Variants in RAD54L2 observed in about 807,000 individuals in gnomAD.
RAD54L2 encodes the protein helicase ARIP4.
Under a neutral mutation model 138.4 loss-of-function variants are expected in RAD54L2, and 27 were observed. The ratio of observed to expected loss-of-function variants is 0.20; its 90% CI spans 0.14 to 0.27. RAD54L2 has a LOEUF of 0.27. Among genes scored for constraint, RAD54L2 ranks in the 10% least tolerant of loss-of-function variants. The pLI is 1.00. For synonymous variants in RAD54L2, 644 were observed against 723.2 expected (o/e 0.89, Z 1.76); for missense variants, 1,396 against 1,890.2 (o/e 0.74, Z 4.85).
intron 7 of RAD54L2, among the ~76,000 whole-genome samples, chr3:51,633,278 T>C (rs1360962292): frequency 6.6e-6 from 1 of 152,110 alleles, no homozygotes; most frequent in African/African-American, 2.4e-5. Context: ...GAGGGTGAGC[T>C]TTCCAATGCT....
At chr3:51,575,456 C>T (rs981485336) in intron 2 of RAD54L2, among the ~76,000 whole-genome samples, 16 of 152,182 alleles carry the variant, frequency 1.1e-4, no homozygotes, top group Middle Eastern at 3.4e-3. Flanking sequence ...GCCATTTTTA[C>T]GATATGATTC....
rs1485661054 is a variant in RAD54L2 at position 51,662,698 on chromosome 3, G to C, written c.3682G>C (p.Gly1228Arg). The C allele has an allele frequency of 6.2e-7, 1 of 1,613,874 alleles. No homozygotes were observed. Among genetic ancestry groups the C allele is most frequent in the Admixed American group, 1.7e-5 (1 of 59,994 alleles). Residue 1228 changes from glycine (G) to arginine (R), a missense_variant, in exon 23 of 23, where the codon GGT becomes CGT. By Grantham distance (125) the Gly-to-Arg change is moderately radical (BLOSUM62 -2). Coordinates refer to ENST00000684192, the MANE Select transcript of RAD54L2 (RefSeq NM_015106.4). This position sits in a 1 kb window ranked among gnomAD's most constrained non-coding sequence, Gnocchi z 4.6. Reference protein sequence around the residue: ...TALGTEPRLGGHCLNSSLLVT... With the variant: ...TALGTEPRLGRHCLNSSLLVT... The stretch of plus-strand genomic sequence containing the variant: ...TCTCGGAACTGAGCCTCGACTAGGG[G>C]GTCATTGCCTCAATAGTTCCCTCTT...
intron 19 of RAD54L2, among the ~76,000 whole-genome samples, chr3:51,652,137 C>T (rs571507197): frequency 6.6e-6 from 1 of 152,218 alleles, no homozygotes; most frequent in East Asian, 1.9e-4. Context: ...TTCCTATACA[C>T]CAATAACAGA....
chr3:51,635,631 T>G lies in RAD54L2; in HGVS notation c.1181T>G (p.Val394Gly). 6.2e-7 allele frequency: 1 copy of G among 1,612,992 alleles called. No individual in the cohort carries two copies. The highest frequency in any genetic ancestry group is 1.7e-4 in the Middle Eastern group (1 of 6,060). ...CGTGCTAAAGTGATGGCTGATTGGG[T>G]GTCAGAGGGTGGCGTGCTGCTGATG... Reference protein sequence around the residue: ...ASRAKVMADWVSEGGVLLMGY... With the variant: ...ASRAKVMADWGSEGGVLLMGY... Residue 394 changes from valine to glycine, a missense_variant, in exon 10 of 23, where the codon GTG (valine) becomes GGG (glycine). By Grantham distance (109) the Val-to-Gly change is moderately radical. Coordinates refer to ENST00000684192, the MANE Select transcript of RAD54L2 (RefSeq NM_015106.4).
chr3:51,565,290 G>C (rs571943309), intron 2 of RAD54L2, among the ~76,000 whole-genome samples: 1 of 152,140 alleles, frequency 6.6e-6, no homozygotes, highest in Non-Finnish European at 1.5e-5. Flanking sequence ...TGGCGTGTGG[G>C]GGTGCTGAGA....
At chr3:51,661,008 C>G (rs1701756038) in intron 22 of RAD54L2, among the ~76,000 whole-genome samples, 1 of 152,108 alleles carries the variant, frequency 6.6e-6, no homozygotes, top group Non-Finnish European at 1.5e-5. Context: ...GGCTGGAGTG[C>G]AGCAGTGCAA....
intron 2 of RAD54L2, among the ~76,000 whole-genome samples, chr3:51,556,525 G>C (rs972082351): frequency 2.0e-5 from 3 of 152,092 alleles, no homozygotes; most frequent in Admixed American, 1.3e-4. Flanking sequence ...TGGGATTACA[G>C]GTGTGGGCCA....
intron 3 of RAD54L2, among the ~76,000 whole-genome samples, chr3:51,612,266 A>G (rs1700349220): frequency 6.6e-6 from 1 of 152,142 alleles, no homozygotes; most frequent in Admixed American, 6.5e-5. Context: ...GAAGTTTAAG[A>G]CCAGCCTGGC....
chr3:51,581,210 G>T (rs1307283589), intron 2 of RAD54L2, among the ~76,000 whole-genome samples: 2 of 152,094 alleles, frequency 1.3e-5, no homozygotes. Flanking sequence ...CGATTCTCCT[G>T]CCTCAGTCTA....
At chr3:51,577,592 T>G (rs1340524372) in intron 2 of RAD54L2, among the ~76,000 whole-genome samples, 6 of 152,240 alleles carry the variant, frequency 3.9e-5, no homozygotes, top group Non-Finnish European at 8.8e-5. Context: ...CCCTTTACCA[T>G]TATGTAATGG....
chr3:51,539,030 A>G (rs1698484467), intron 1 of RAD54L2, among the ~76,000 whole-genome samples, 115 bp downstream of exon 1: 1 of 152,118 alleles, frequency 6.6e-6, no homozygotes, highest in African/African-American at 2.4e-5. Flanking sequence ...CGGGGCAGCT[A>G]GATGGACCCA....
intron 2 of RAD54L2, among the ~76,000 whole-genome samples, chr3:51,548,655 A>C (rs1268684494): frequency 6.6e-6 from 1 of 152,072 alleles, no homozygotes. Flanking sequence ...TCTGATTCTA[A>C]GTTTAGAGCC....
chr3:51,543,817 T>A (rs1326342686), intron 2 of RAD54L2, among the ~76,000 whole-genome samples: 1 of 152,062 alleles, frequency 6.6e-6, no homozygotes, highest in Non-Finnish European at 1.5e-5. Context: ...TCTTAGCTAT[T>A]CCTTCTGTGA....
At chr3:51,578,571 G>C (rs953015103) in intron 2 of RAD54L2, among the ~76,000 whole-genome samples, 3 of 152,280 alleles carry the variant, frequency 2.0e-5, no homozygotes, top group South Asian at 4.1e-4. Flanking sequence ...CCCCCTCATG[G>C]GTGGGAACTG....
intron 18 of RAD54L2, among the ~76,000 whole-genome samples, chr3:51,646,067 T>G (rs1701271396): frequency 6.6e-6 from 1 of 152,152 alleles, no homozygotes; most frequent in African/African-American, 2.4e-5. Flanking sequence ...ACTCCCCCAT[T>G]CTTTTGATAG....
Position 51,627,604 on chromosome 3 carries a change from A to G in RAD54L2, c.191A>G (p.Asp64Gly), listed in dbSNP as rs762419762. 4 of 1,559,644 alleles carry G rather than the reference A, an allele frequency of 2.6e-6. No individual in the cohort carries two copies. The highest frequency in any genetic ancestry group is 3.5e-6 in the Non-Finnish European group (4 of 1,152,292). ...CGTEHAQLGE[D>G]GQQPPRCTST... is the part of the protein sequence containing the mutation. ...ACTGAGCATGCCCAGTTGGGAGAAG[A>G]TGGGCAGCAGCCGCCGCGGTGCACT... is the stretch of plus-strand genomic sequence containing the variant. The change falls in exon 4 of 23, where the codon GAT becomes GGT. Residue 64 changes from aspartate to glycine, a missense_variant. Asp to Gly is a moderately conservative substitution (Grantham distance 94). Coordinates refer to ENST00000684192, the MANE Select transcript of RAD54L2 (RefSeq NM_015106.4).
rs567737368 is a variant in RAD54L2, at chr3:51,659,750, A to T, written c.3317-276A>T. Among the ~76,000 whole-genome samples, 11 of 152,334 alleles carry T rather than the reference A, an allele frequency of 7.2e-5. No homozygotes were observed. The South Asian group carries it at 1.4e-3, about 20-fold the overall frequency. On this transcript the variant is annotated intron_variant, in intron 21 of 22. Transcript: ENST00000684192. ...TAAGTCTCTGTCTCCCTCTCTAGAG[A>T]CTAAGCTCCATGAGACAGGGCCTTT... is the stretch of plus-strand genomic sequence containing the variant.
At chr3:51,655,188 G>A (rs531194088) in intron 19 of RAD54L2, among the ~76,000 whole-genome samples, 1 of 151,824 alleles carries the variant, frequency 6.6e-6, no homozygotes, top group Admixed American at 6.6e-5. Flanking sequence ...AGATGAGGAA[G>A]AACATAACAG....
intron 21 of RAD54L2, 80 bp downstream of exon 21, chr3:51,657,749 T>G (rs564472086): frequency 1.0e-3 from 1,017 of 974,870 alleles, no homozygotes; most frequent in Non-Finnish European, 1.5e-3. Context: ...ACATATGACT[T>G]GAGCTAGACG....
Sources: allele counts gnomAD v4.1 joint callset (sites outside exome capture counted in the v4.1 genomes callset), GRCh38; gene constraint gnomAD v4.1.1; non-coding constraint Gnocchi (gnomAD v3.1); transcripts MANE v1.5; gene names NCBI Gene and HGNC (gene_info 2026-07-23, HGNC 2026-07-21).